AHNAK: variants seen among roughly 807,000 people sequenced by gnomAD.
AHNAK encodes neuroblast differentiation-associated protein AHNAK.
In AHNAK, 23 loss-of-function variants were observed where a neutral mutation model predicts 37.8. The observed-to-expected ratio is 0.61, with a 90% CI of 0.44 to 0.86. The LOEUF (loss-of-function observed/expected upper bound fraction) is 0.86. Ranked by LOEUF, AHNAK falls within the 40% of genes least tolerant of loss-of-function variation. AHNAK has a pLI of 0.00. For synonymous variants in AHNAK, 2,481 were observed against 2,636.3 expected (o/e 0.94, Z 1.80); for missense variants, 7,411 against 7,319.4 (o/e 1.01, Z -0.46).
At chr11:62,493,613 C>T (rs1289910810) in intron 4 of AHNAK, among the ~76,000 whole-genome samples, 5 of 150,886 alleles carry the variant, frequency 3.3e-5, no homozygotes, top group African/African-American at 1.2e-4. Context: ...GGATTACAGG[C>T]GTGAGCCACC....
At position 62,521,470 on chromosome 11, in the gene AHNAK, A is replaced by G. The variant is rs747934728; in HGVS notation, c.12947T>C (p.Met4316Thr). ...DVHGPDWHLK[M>T]PKVKMPKFSM... ...GAATTTGGGCATTTTCACCTTGGGC[A>G]TCTTCAGGTGCCAGTCTGGGCCATG... Residue 4316 changes from methionine (M) to threonine (T), a missense_variant, in exon 5 of 5, where the codon ATG becomes ACG. Transcript: ENST00000378024. The G allele has an allele frequency of 8.1e-6, 13 of 1,612,086 alleles. No homozygotes were observed. Among genetic ancestry groups the G allele is most frequent in the Non-Finnish European group, 1.1e-5 (13 of 1,179,596 alleles).
chr11:62,461,099 T>C (rs1370920360), intron 5 of AHNAK, among the ~76,000 whole-genome samples: 1 of 146,894 alleles, frequency 6.8e-6, no homozygotes, highest in Non-Finnish European at 1.5e-5. Flanking sequence ...CCTCCCAAAG[T>C]GTTGGGATTA....
At chr11:62,442,420 T>C (rs1938326024) in intron 5 of AHNAK, among the ~76,000 whole-genome samples, 1 of 152,066 alleles carries the variant, frequency 6.6e-6, no homozygotes, top group Non-Finnish European at 1.5e-5. Context: ...TGGTGGTATG[T>C]GCCTGTAGTC....
chr11:62,466,502 C>A (rs1565203836), intron 5 of AHNAK, among the ~76,000 whole-genome samples: 2 of 137,366 alleles, frequency 1.5e-5, no homozygotes, highest in South Asian at 4.5e-4. Flanking sequence ...ACCAGACTCT[C>A]TTCTCATTTC....
rs759340386 is a variant in AHNAK at position 62,527,753 on chromosome 11, C to G, written c.6664G>C (p.Gly2222Arg). 9 of 1,614,074 alleles carry G rather than the reference C, an allele frequency of 5.6e-6. No homozygotes were observed. The highest frequency in any genetic ancestry group is 1.7e-4 in the Middle Eastern group (1 of 6,060). ...EMKVPDVDIR[G>R]PKVDIDAPDV... ...GGGGCATCAATGTCCACTTTGGGCCCTCTGATGTCAACATCTGGCACTTTC... is the reference window on the plus strand; with the variant it reads ...GGGGCATCAATGTCCACTTTGGGCCGTCTGATGTCAACATCTGGCACTTTC... The change falls in exon 5 of 5, where the codon GGG (glycine) becomes CGG (arginine). Residue 2222 changes from glycine to arginine, a missense_variant. Gly to Arg is a moderately radical substitution (Grantham distance 125, BLOSUM62 -2). Coordinates refer to ENST00000378024, the MANE Select transcript of AHNAK (RefSeq NM_001620.3).
intron 5 of AHNAK, among the ~76,000 whole-genome samples, chr11:62,489,995 A>T (rs1939472605): frequency 6.6e-6 from 1 of 151,856 alleles, no homozygotes; most frequent in South Asian, 2.1e-4. Flanking sequence ...GGGCACTCAT[A>T]TCAATGAAGT....
intron 5 of AHNAK, among the ~76,000 whole-genome samples, chr11:62,445,348 A>G (rs1938401287): frequency 6.6e-6 from 1 of 152,186 alleles, no homozygotes; most frequent in African/African-American, 2.4e-5. Context: ...CCTCCTACGT[A>G]AGTACACACC....
chr11:62,525,542 T>G lies in AHNAK; in HGVS notation c.8875A>C (p.Lys2959Gln). 6.2e-7 allele frequency: 1 copy of G among 1,614,104 alleles called. No individual in the cohort carries two copies. Among genetic ancestry groups the G allele is most frequent in the African/African-American group, 1.3e-5 (1 of 75,002 alleles). Residue 2959 changes from lysine to glutamine, a missense_variant, in exon 5 of 5, where the codon AAA (lysine) becomes CAA (glutamine). Coordinates refer to ENST00000378024, the MANE Select transcript of AHNAK (RefSeq NM_001620.3). ...TCAGGCATGGGGATCTTGGGGGCTT[T>G]GATATTCATCTCTGGCATCTTGAAC... The part of the protein sequence containing the change: ...PKFKMPEMNI[K>Q]APKIPMPDFD...
intron 5 of AHNAK, among the ~76,000 whole-genome samples, chr11:62,446,866 C>T (rs1938431019): frequency 6.6e-6 from 1 of 152,050 alleles, no homozygotes; most frequent in Non-Finnish European, 1.5e-5. Context: ...AGCCTATAAA[C>T]ATCAAGTCTC....
Position 62,530,311 on chromosome 11 carries a change from G to C in AHNAK, c.4106C>G (p.Pro1369Arg). The C allele has an allele frequency of 1.5e-5, 24 of 1,613,402 alleles. No individual in the cohort carries two copies. Among genetic ancestry groups the C allele is most frequent in the Non-Finnish European group, 2.0e-5 (24 of 1,179,892 alleles). ...IKGPKVDISA[P>R]DVDVHGPDWH... ...ATCTGGGCCATGAACATCCACATCT[G>C]GAGCACTAATGTCAACTTTGGGCCC... The change falls in exon 5 of 5, where the codon CCA becomes CGA. Residue 1369 changes from proline (P) to arginine (R), a missense_variant. Coordinates refer to ENST00000378024, the MANE Select transcript of AHNAK (RefSeq NM_001620.3).
chr11:62,537,746 G>A (rs994681329), intron 1 of AHNAK, among the ~76,000 whole-genome samples: 36 of 150,814 alleles, frequency 2.4e-4, no homozygotes, highest in Admixed American at 2.0e-3. Flanking sequence ...GCAATGGCAC[G>A]ATCTCAGCTC....
chr11:62,544,368 C>T (rs890962664), intron 1 of AHNAK, among the ~76,000 whole-genome samples: 2 of 152,158 alleles, frequency 1.3e-5, no homozygotes, highest in African/African-American at 4.8e-5. Flanking sequence ...CCCTGAATCG[C>T]TGCTGTGGGC....
rs527248458 is a variant in AHNAK, at chr11:62,527,319, A to G, written c.7098T>C (p.Asn2366=). 43 of 1,613,736 alleles carry G rather than the reference A, an allele frequency of 2.7e-5. No individual in the cohort carries two copies. The South Asian group carries it at 4.7e-4, about 18-fold the overall frequency. The stretch of plus-strand genomic sequence containing the variant: ...TGAACTTAGGAGTTTTCCACTTGCC[A>G]TTTGGGCCTTCCACAGCTACTTCTG... The part of the protein sequence containing the change: ...DMPEVAVEGP[N]GKWKTPKFKM... Residue 2366 remains asparagine, a synonymous_variant, in exon 5 of 5, where the codon AAT becomes AAC. Transcript: ENST00000378024.
At position 62,525,963 on chromosome 11, in the gene AHNAK, C is replaced by G; in HGVS notation, c.8454G>C (p.Trp2818Cys). 1 of 1,614,064 alleles carries G rather than the reference C, an allele frequency of 6.2e-7. No individual in the cohort carries two copies. The highest frequency in any genetic ancestry group is 8.5e-7 in the Non-Finnish European group (1 of 1,180,012). The change falls in exon 5 of 5, where the codon TGG becomes TGC. Residue 2818 changes from tryptophan to cysteine, a missense_variant. By Grantham distance (215) the Trp-to-Cys change is radical (BLOSUM62 -2). Transcript: ENST00000378024. ...DVNIEGPEGK[W>C]KSPKFKMPEM... ...CTGGCATCTTAAACTTTGGACTTTT[C>G]CACTTTCCTTCAGGTCCTTCGATAT...
chr11:62,517,745 C>T lies in AHNAK; in HGVS notation c.16672G>A (p.Gly5558Ser). 6.2e-7 allele frequency: 1 copy of T among 1,614,180 alleles called. No homozygotes were observed. The highest frequency in any genetic ancestry group is 8.5e-7 in the Non-Finnish European group (1 of 1,180,030). The part of the protein sequence containing the change: ...FNMASPESDF[G>S]INLKGPKIKG... Reference sequence around the variant, plus strand: ...ATTTTTGGGCCCTTCAAGTTGATGCCAAAATCTGACTCAGGAGATGCCATA... The same window carrying T: ...ATTTTTGGGCCCTTCAAGTTGATGCTAAAATCTGACTCAGGAGATGCCATA... The change falls in exon 5 of 5, where the codon GGC (glycine) becomes AGC (serine). Residue 5558 changes from glycine to serine, a missense_variant. Gly to Ser is a moderately conservative substitution (Grantham distance 56, BLOSUM62 0). Coordinates refer to ENST00000378024, the MANE Select transcript of AHNAK (RefSeq NM_001620.3).
chr11:62,518,176 G>C lies in AHNAK; in HGVS notation c.16241C>G (p.Ser5414Cys), dbSNP rs926188261. Residue 5414 changes from serine to cysteine, a missense_variant, in exon 5 of 5, where the codon TCT becomes TGT. By Grantham distance (112) the Ser-to-Cys change is moderately radical. Coordinates refer to ENST00000378024, the MANE Select transcript of AHNAK (RefSeq NM_001620.3). ...GACGTGCAAGTCGGACCCCGGAGTA[G>C]AGATGCCAAATTGGGGCAGCTTCAT... ...PKMKLPQFGI[S>C]TPGSDLHVNA... 4.3e-6 allele frequency: 7 copies of C among 1,614,190 alleles called. No homozygotes were observed. The highest frequency in any genetic ancestry group is 5.9e-6 in the Non-Finnish European group (7 of 1,180,034).
chr11:62,530,940 T>A lies in AHNAK; in HGVS notation c.3477A>T (p.Gly1159=). 1.2e-6 allele frequency: 2 copies of A among 1,613,892 alleles called. No individual in the cohort carries two copies. The highest frequency in any genetic ancestry group is 1.7e-6 in the Non-Finnish European group (2 of 1,179,976). ...CTGGGGCTTCGATGTCCACCTTGGG[T>A]CCTGAGACAACAACGTCAGCCTTAG... ...NLPKADVVVS[G]PKVDIEAPDV... is the part of the protein sequence containing the mutation. Residue 1159 remains glycine, a synonymous_variant, in exon 5 of 5, where the codon GGA becomes GGT. Transcript: ENST00000378024.
At chr11:62,484,688 C>G (rs571306982) in intron 5 of AHNAK, among the ~76,000 whole-genome samples, 1 of 152,280 alleles carries the variant, frequency 6.6e-6, no homozygotes, top group South Asian at 2.1e-4. Context: ...TACGCTACCA[C>G]GAGCACTTAA....
intron 5 of AHNAK, among the ~76,000 whole-genome samples, chr11:62,469,480 T>C (rs1321373244): frequency 6.6e-6 from 1 of 151,568 alleles, no homozygotes; most frequent in African/African-American, 2.4e-5. Flanking sequence ...TGTTTGTTTG[T>C]TCGAGACAGA....
Sources: allele counts gnomAD v4.1 joint callset (sites outside exome capture counted in the v4.1 genomes callset), GRCh38; gene constraint gnomAD v4.1.1; transcripts MANE v1.5; gene names NCBI Gene and HGNC (gene_info 2026-07-23, HGNC 2026-07-21).